ROBO1: variants seen among roughly 807,000 people sequenced by gnomAD.
ROBO1 encodes roundabout homolog 1.
Under a neutral mutation model 195.9 loss-of-function variants are expected in ROBO1, and 149 were observed. That is an observed-to-expected ratio of 0.76 (90% CI 0.67 to 0.87). The LOEUF (loss-of-function observed/expected upper bound fraction) is 0.87. Among genes scored for constraint, ROBO1 ranks in the 40% least tolerant of loss-of-function variants. ROBO1 has a pLI of 0.00. For missense variants in ROBO1, 1,933 were observed against 2,068.3 expected, an observed-to-expected ratio of 0.93 and a Z score of 1.27; for synonymous variants, 816 against 733.2, an observed-to-expected ratio of 1.11 and a Z score of -1.82.
intron 2 of ROBO1, among the ~76,000 whole-genome samples, chr3:79,540,564 G>A (rs1942027485): frequency 6.6e-6 from 1 of 152,012 alleles, no homozygotes. Flanking sequence ...AATCTACTCT[G>A]TTTCATAAAC....
intron 3 of ROBO1, chr3:79,018,508 G>A (rs2108260619): frequency 6.2e-7 from 1 of 1,611,284 alleles, no homozygotes; most frequent in Non-Finnish European, 8.5e-7. Flanking sequence ...AGAGGAGGGA[G>A]TGGAAATAGG....
intron 2 of ROBO1, among the ~76,000 whole-genome samples, chr3:79,191,048 G>A (rs1050464067): frequency 9.9e-5 from 15 of 151,602 alleles, no homozygotes; most frequent in Non-Finnish European, 8.9e-5. Flanking sequence ...GAGGAAACTC[G>A]TATTTGCTGA....
intron 4 of ROBO1, among the ~76,000 whole-genome samples, chr3:78,847,701 G>A (rs1225530983): frequency 1.3e-5 from 2 of 152,046 alleles, no homozygotes; most frequent in African/African-American, 2.4e-5. Flanking sequence ...CTATTATTAC[G>A]ATTATTTTAA....
chr3:79,090,917 ATGTTT>A (rs2079468094), intron 3 of ROBO1, among the ~76,000 whole-genome samples: 1 of 152,060 alleles, frequency 6.6e-6, no homozygotes, highest in South Asian at 2.1e-4. Context: ...AGATTATAGT[ATGTTT>A]TATTTTTCTA....
chr3:78,597,269 T>G lies in ROBO1; in HGVS notation c.*1644A>C, dbSNP rs1460107394. The G allele has an allele frequency of 2.6e-5, 4 of 152,564 alleles. No homozygotes were observed. Among genetic ancestry groups the G allele is most frequent in the Non-Finnish European group, 5.9e-5 (4 of 68,004 alleles). The allele number at this position is 152,564 out of a possible 1,614,324, so 9.5% of individuals were successfully genotyped here. On this transcript the variant is annotated 3_prime_UTR_variant, in exon 31 of 31. Transcript: ENST00000464233. ...TTGAGAACATTTTTAATAAATAATG[T>G]GACAAAATTACTTTTCTGATTATTG...
At chr3:78,815,307 T>C (rs1177464404) in intron 4 of ROBO1, among the ~76,000 whole-genome samples, 1 of 152,156 alleles carries the variant, frequency 6.6e-6, no homozygotes, top group Non-Finnish European at 1.5e-5. Flanking sequence ...AGGCTTCTTA[T>C]GCCAAACAGT....
chr3:79,303,687 T>C (rs1304327736), intron 2 of ROBO1, among the ~76,000 whole-genome samples: 2 of 152,028 alleles, frequency 1.3e-5, no homozygotes, highest in African/African-American at 4.8e-5. Flanking sequence ...AAGTGTAAAA[T>C]CCTGTCATTT....
At chr3:79,129,749 G>T (rs1020999395) in intron 2 of ROBO1, among the ~76,000 whole-genome samples, 7 of 152,108 alleles carry the variant, frequency 4.6e-5, no homozygotes, top group African/African-American at 1.7e-4. Context: ...ATCATTTCTT[G>T]TAGTGAGAAC....
chr3:79,392,003 C>T (rs558953061), intron 2 of ROBO1, among the ~76,000 whole-genome samples: 19 of 152,046 alleles, frequency 1.2e-4, no homozygotes, highest in East Asian at 3.9e-4. Context: ...TAGTTTAAGA[C>T]GAAATCATTA....
intron 2 of ROBO1, among the ~76,000 whole-genome samples, chr3:79,431,541 A>G (rs1240529932): frequency 6.6e-6 from 1 of 152,154 alleles, no homozygotes; most frequent in Admixed American, 6.6e-5. Flanking sequence ...TCAAAAGAGA[A>G]TAAAAGGTGG....
At chr3:79,499,204 A>G (rs949284338) in intron 2 of ROBO1, among the ~76,000 whole-genome samples, 1 of 152,158 alleles carries the variant, frequency 6.6e-6, no homozygotes, top group African/African-American at 2.4e-5. Context: ...CATGTTGGCC[A>G]GGCTGGTCTC....
intron 1 of ROBO1, among the ~76,000 whole-genome samples, chr3:79,615,269 G>A (rs1198457449): frequency 2.0e-5 from 3 of 152,028 alleles, no homozygotes; most frequent in Non-Finnish European, 4.4e-5. Context: ...TTGATTCCAG[G>A]TCTTTACATA....
At chr3:79,107,607 T>G (rs185180547) in intron 3 of ROBO1, among the ~76,000 whole-genome samples, 25 of 151,850 alleles carry the variant, frequency 1.6e-4, no homozygotes, top group Non-Finnish European at 3.4e-4. Context: ...GCTTGCATAT[T>G]AAAATGTTGG....
intron 2 of ROBO1, among the ~76,000 whole-genome samples, chr3:79,323,506 A>G (rs1359252841): frequency 1.3e-5 from 2 of 150,982 alleles, no homozygotes; most frequent in Non-Finnish European, 2.9e-5. Context: ...ACAGAAAACT[A>G]TCTATGCATG....
chr3:79,428,905 T>C (rs946093538), intron 2 of ROBO1, among the ~76,000 whole-genome samples: 2 of 151,900 alleles, frequency 1.3e-5, no homozygotes, highest in Admixed American at 6.6e-5. Context: ...GTAATTGATA[T>C]GATGTTTTAG....
Position 78,938,817 on chromosome 3 carries a change from G to C in ROBO1, c.283C>G (p.Pro95Ala). Reference protein sequence around the residue: ...ATLNCKAEGRPTPTIEWYKGG... With the variant: ...ATLNCKAEGRATPTIEWYKGG... Reference sequence around the variant, plus strand: ...TTGTACCATTCAATAGTGGGTGTGGGGCGGCCTTCAGCTTTGCAGTTCAAA... The same window carrying C: ...TTGTACCATTCAATAGTGGGTGTGGCGCGGCCTTCAGCTTTGCAGTTCAAA... Residue 95 changes from proline to alanine, a missense_variant, in exon 4 of 31, where the codon CCC becomes GCC. By Grantham distance (27) the Pro-to-Ala change is conservative (BLOSUM62 -1). Transcript: ENST00000464233. 6.2e-7 allele frequency: 1 copy of C among 1,613,964 alleles called. No individual in the cohort carries two copies. Among genetic ancestry groups the C allele is most frequent in the South Asian group, 1.1e-5 (1 of 91,086 alleles).
At chr3:79,267,340 G>A (rs2030057570) in intron 2 of ROBO1, among the ~76,000 whole-genome samples, 1 of 151,450 alleles carries the variant, frequency 6.6e-6, no homozygotes, top group South Asian at 2.1e-4. Flanking sequence ...CCATTTCAGA[G>A]TCAAACCCAT....
intron 4 of ROBO1, among the ~76,000 whole-genome samples, chr3:78,765,035 T>C (rs142521120): frequency 2.8e-4 from 43 of 152,244 alleles, no homozygotes; most frequent in African/African-American, 9.9e-4. Context: ...ATTTTAGACT[T>C]TTTTTTCAAA....
intron 2 of ROBO1, among the ~76,000 whole-genome samples, chr3:79,181,848 C>T (rs554332193): frequency 1.3e-5 from 2 of 150,662 alleles, no homozygotes; most frequent in Non-Finnish European, 2.9e-5. Flanking sequence ...ATTGTTTGTG[C>T]CTGGGAGGTG....
Sources: allele counts gnomAD v4.1 joint callset (sites outside exome capture counted in the v4.1 genomes callset), GRCh38; gene constraint gnomAD v4.1.1; transcripts MANE v1.5; gene names NCBI Gene and HGNC (gene_info 2026-07-23, HGNC 2026-07-21).